Variants in DMXL1 observed in about 807,000 individuals in gnomAD.
The protein encoded by DMXL1 is Dmx like 1, also known as dmX-like protein 1.
DMXL1 carries 99 observed loss-of-function variants against 319.2 expected under a neutral mutation model. The ratio of observed to expected loss-of-function variants is 0.31; its 90% CI spans 0.26 to 0.37. The LOEUF is 0.37. Ranked by LOEUF, DMXL1 falls within the 10% of genes least tolerant of loss-of-function variation. The probability of loss-of-function intolerance (pLI) is 1.00; values close to 1 mark genes in which losing one functional copy is unlikely to be tolerated. For missense variants in DMXL1, 3,745 were observed against 3,595.6 expected (o/e 1.04, Z -1.06); for synonymous variants, 1,385 against 1,235.2 (o/e 1.12, Z -2.54).
chr5:119,168,516 G>C (rs1233442368), intron 23 of DMXL1, among the ~76,000 whole-genome samples: 1 of 152,146 alleles, frequency 6.6e-6, no homozygotes, highest in East Asian at 1.9e-4. Context: ...AATTGGAAAA[G>C]GGTCTAGTTC....
Position 119,173,776 on chromosome 5 carries a change from G to GTGTA in DMXL1, c.6682-1484_6682-1483insGTAT. On this transcript the variant is annotated intron_variant, in intron 25 of 43. Transcript: ENST00000539542. ...TGTGTATATATATATATGTGTGTGTGTATATATATATATATATATATAATG... is the reference window on the plus strand; with the variant it reads ...TGTGTATATATATATATGTGTGTGTGTGTATATATATATATATATATATATAATG... 8.8e-4 allele frequency among the ~76,000 whole-genome samples: 59 copies of GTGTA among 67,170 alleles called. 5 individuals carry two copies. The South Asian group carries it at 0.024, about 27-fold the overall frequency. 44.1% of individuals were successfully genotyped at this position (67,170 alleles called of 152,430 possible). A position where few individuals can be genotyped will look rare whatever the true frequency, so the allele number is the denominator to read the frequency against.
In DMXL1 at chr5:119,196,413, C is replaced by T. The variant is rs1462679849; in HGVS notation, c.7500C>T (p.Asn2500=). Residue 2500 remains asparagine, a synonymous_variant, in exon 31 of 44, where the codon AAC becomes AAT. Coordinates refer to ENST00000539542, the MANE Select transcript of DMXL1 (RefSeq NM_001290321.3). ...TGGCGATGGTGCAATTGGTGCTCAA[C>T]AATTTGAAGACTTTTTATCCCTTCG... ...MRLAMVQLVL[N]NLKTFYPFAG... is the part of the protein sequence containing the mutation. The T allele has an allele frequency of 4.3e-6, 7 of 1,610,436 alleles. No individual in the cohort carries two copies. In the East Asian group the frequency reaches 6.7e-5, roughly 15 times the overall value.
At chr5:119,168,357 T>G (rs1228961130) in intron 23 of DMXL1, among the ~76,000 whole-genome samples, 1 of 152,204 alleles carries the variant, frequency 6.6e-6, no homozygotes, top group African/African-American at 2.4e-5. Flanking sequence ...TTAGAAATCC[T>G]CTTTGCTAAA....
chr5:119,211,918 C>G (rs1431552677), intron 34 of DMXL1, among the ~76,000 whole-genome samples: 1 of 152,152 alleles, frequency 6.6e-6, no homozygotes, highest in African/African-American at 2.4e-5. Context: ...TGTTGCTTCT[C>G]TAATTGAAAT....
intron 18 of DMXL1, among the ~76,000 whole-genome samples, chr5:119,151,115 T>C (rs2150146797): frequency 6.6e-6 from 1 of 152,250 alleles, no homozygotes; most frequent in African/African-American, 2.4e-5. Flanking sequence ...TAATCCACTA[T>C]TAACAATTAT....
At chr5:119,222,279 G>A (rs952365928) in intron 37 of DMXL1, among the ~76,000 whole-genome samples, 7 of 152,160 alleles carry the variant, frequency 4.6e-5, no homozygotes, top group African/African-American at 7.2e-5. Flanking sequence ...TTTGTTAAAT[G>A]TATGGTAGAG....
Position 119,071,615 on chromosome 5 carries a change from C to T in DMXL1, c.46C>T (p.His16Tyr). 1 of 1,604,396 alleles carries T rather than the reference C, an allele frequency of 6.2e-7. No individual in the cohort carries two copies. Among genetic ancestry groups the T allele is most frequent in the Non-Finnish European group, 8.5e-7 (1 of 1,175,936 alleles). The change falls in exon 1 of 44, where the codon CAC becomes TAC. Residue 16 changes from histidine to tyrosine, a missense_variant. This residue lies in a region of DMXL1 where 2,096 missense variants were observed against 1,985.4 expected (regional missense o/e 1.06). Coordinates refer to ENST00000539542, the MANE Select transcript of DMXL1 (RefSeq NM_001290321.3). ...VLTGAVNPGD[H>Y]CFSVGSIGDQ... ...GACCGGGGCTGTGAACCCTGGCGACCACTGCTTCTCCGTGGGCAGCATTGG... is the reference window on the plus strand; with the variant it reads ...GACCGGGGCTGTGAACCCTGGCGACTACTGCTTCTCCGTGGGCAGCATTGG...
rs1790138805 is a variant in DMXL1 at position 119,248,778 on chromosome 5, G to A, written c.*1559G>A. Reference sequence around the variant, plus strand: ...GTTGCAGTGCAAACACTGTCATTATGTAGAGAGTTTATATGCACATAATAA... The same window carrying A: ...GTTGCAGTGCAAACACTGTCATTATATAGAGAGTTTATATGCACATAATAA... On this transcript the variant is annotated 3_prime_UTR_variant, in exon 44 of 44. Coordinates refer to ENST00000539542, the MANE Select transcript of DMXL1 (RefSeq NM_001290321.3). The A allele has an allele frequency of 6.6e-6, 1 of 152,478 alleles. No individual in the cohort carries two copies. Among genetic ancestry groups the A allele is most frequent in the African/African-American group, 2.4e-5 (1 of 41,424 alleles). The allele number at this position is 152,478 out of a possible 1,614,324, so 9.4% of individuals were successfully genotyped here.
chr5:119,238,852 T>G, intron 40 of DMXL1, 137 bp from the exon 41 acceptor site: 1 of 1,434,180 alleles, frequency 7.0e-7, no homozygotes. Context: ...ACAATTTTTC[T>G]AAAGTTCAAA....
At chr5:119,175,696 C>T (rs2150300677) in intron 26 of DMXL1, among the ~76,000 whole-genome samples, 1 of 152,052 alleles carries the variant, frequency 6.6e-6, no homozygotes, top group South Asian at 2.1e-4. Flanking sequence ...TGGCATAGTA[C>T]TAAAATGGTA....
At chr5:119,195,836 A>G (rs1161197612) in intron 30 of DMXL1, among the ~76,000 whole-genome samples, 4 of 152,238 alleles carry the variant, frequency 2.6e-5, no homozygotes, top group Non-Finnish European at 5.9e-5. Flanking sequence ...AAATCAAACT[A>G]TATAAAAATG....
chr5:119,130,502 C>T (rs1764627949), intron 10 of DMXL1, among the ~76,000 whole-genome samples: 1 of 152,154 alleles, frequency 6.6e-6, no homozygotes, highest in South Asian at 2.1e-4. Flanking sequence ...GCCACCACAC[C>T]TGGCTAATTT....
intron 1 of DMXL1, among the ~76,000 whole-genome samples, chr5:119,094,361 A>G (rs1043727836): frequency 2.0e-5 from 3 of 152,234 alleles, no homozygotes; most frequent in Non-Finnish European, 2.9e-5. Context: ...AAGTGGAACA[A>G]CAAAGCCCGG....
chr5:119,178,514 A>G (rs1403464869), intron 28 of DMXL1: 1 of 628,518 alleles, frequency 1.6e-6, no homozygotes, highest in African/African-American at 2.0e-5. Flanking sequence ...GTTTTGAAAC[A>G]CACTGTAATA....
At chr5:119,172,675 C>G (rs1338788051) in intron 25 of DMXL1, among the ~76,000 whole-genome samples, 2 of 152,192 alleles carry the variant, frequency 1.3e-5, no homozygotes, top group African/African-American at 4.8e-5. Context: ...ACTTTTCAGA[C>G]ATATTGAAAT....
At chr5:119,167,908 G>A (rs907954207) in intron 23 of DMXL1, 44 bp downstream of exon 23, 1 of 1,568,598 alleles carries the variant, frequency 6.4e-7, no homozygotes, top group Non-Finnish European at 8.7e-7. Flanking sequence ...AATATTATTG[G>A]TAATTGCTAC....
chr5:119,173,975 A>G (rs892643397), intron 25 of DMXL1, among the ~76,000 whole-genome samples: 24 of 151,382 alleles, frequency 1.6e-4, no homozygotes, highest in Admixed American at 1.3e-3. Context: ...GAAAGTCAGC[A>G]GGCTGAAGAC....
chr5:119,130,631 C>G (rs2150032457), intron 10 of DMXL1, among the ~76,000 whole-genome samples: 1 of 152,318 alleles, frequency 6.6e-6, no homozygotes, highest in East Asian at 1.9e-4. Flanking sequence ...GCGTGAGACA[C>G]CATGCTCGGC....
At chr5:119,201,104 G>A (rs1324333254) in intron 32 of DMXL1, among the ~76,000 whole-genome samples, 2 of 152,076 alleles carry the variant, frequency 1.3e-5, no homozygotes, top group African/African-American at 4.8e-5. Flanking sequence ...TCAATACTAG[G>A]TTGAATAGGA....
Sources: gnomAD v4.1 joint callset for allele counts (sites outside exome capture counted in the v4.1 genomes callset) on GRCh38, gnomAD v4.1.1 for gene constraint, gnomAD v4.1.1 regional missense constraint, MANE v1.5 for transcripts, NCBI Gene and HGNC (gene_info 2026-07-23, HGNC 2026-07-21) for gene names.